The following DACH2 variants were observed in gnomAD, a reference collection of about 807,000 sequenced individuals.
DACH2 encodes dachshund family transcription factor 2.
In DACH2, 17 loss-of-function variants were observed where a neutral mutation model predicts 35.8. The ratio of observed to expected loss-of-function variants is 0.48; its 90% CI spans 0.33 to 0.71. DACH2 has a LOEUF of 0.71. Among genes scored for constraint, DACH2 ranks in the 30% least tolerant of loss-of-function variants. The pLI is 0.02. For synonymous variants in DACH2, 195 were observed against 177.3 expected, an observed-to-expected ratio of 1.10 and a Z score of -0.79; for missense variants, 469 against 472.7, an observed-to-expected ratio of 0.99 and a Z score of 0.07.
intron 1 of DACH2, among the ~76,000 whole-genome samples, chrX:86,199,314 G>T (rs2032081741): frequency 9.0e-6 from 1 of 111,456 alleles, no homozygotes; most frequent in South Asian, 3.8e-4. Flanking sequence ...ACATCACATT[G>T]AATGGGCAAA....
intron 2 of DACH2, among the ~76,000 whole-genome samples, chrX:86,439,792 G>A (rs2037130464): frequency 9.0e-6 from 1 of 110,517 alleles, no homozygotes; most frequent in African/African-American, 3.3e-5. Context: ...AGTTTTTTCT[G>A]CATCCCATAA....
At chrX:86,474,302 C>G (rs187525507) in intron 2 of DACH2, among the ~76,000 whole-genome samples, 2 of 111,322 alleles carry the variant, frequency 1.8e-5, no homozygotes, top group East Asian at 5.7e-4. Flanking sequence ...ATATTTTCTC[C>G]TATTTTGTGG....
At chrX:86,392,081 G>C (rs2036213202) in intron 2 of DACH2, among the ~76,000 whole-genome samples, 1 of 110,756 alleles carries the variant, frequency 9.0e-6, no homozygotes, top group African/African-American at 3.3e-5. Context: ...AAGAAAACAT[G>C]TTTTCTCCAA....
chrX:86,525,443 A>G (rs2038617852), intron 3 of DACH2, among the ~76,000 whole-genome samples: 1 of 111,675 alleles, frequency 9.0e-6, no homozygotes, highest in Admixed American at 9.6e-5. Flanking sequence ...GTTGATGATT[A>G]TTGTTATTAT....
intron 1 of DACH2, among the ~76,000 whole-genome samples, chrX:86,254,781 A>AATATATATAT (rs1200745075): frequency 2.3e-3 from 51 of 22,570 alleles, no homozygotes; most frequent in Non-Finnish European, 3.0e-3. Context: ...CAAATAAATA[A>AATATATATAT]ATATATATAT....
intron 2 of DACH2, among the ~76,000 whole-genome samples, chrX:86,387,351 T>C (rs184731638): frequency 1.1e-3 from 123 of 111,880 alleles, no homozygotes; most frequent in African/African-American, 3.9e-3. Flanking sequence ...TAGAAGATTT[T>C]CCAGTCTTTT....
At chrX:86,486,291 T>C (rs1169972123) in intron 2 of DACH2, among the ~76,000 whole-genome samples, 3 of 111,675 alleles carry the variant, frequency 2.7e-5, no homozygotes, top group Non-Finnish European at 5.7e-5. Flanking sequence ...CTCCTTCCTC[T>C]GAACTAGCTC....
chrX:86,827,864 T>C, intron 11 of DACH2: 2 of 990,861 alleles, frequency 2.0e-6, no homozygotes, highest in South Asian at 4.2e-5. Context: ...TTAGAATTCA[T>C]ACTCAAATCC....
intron 1 of DACH2, among the ~76,000 whole-genome samples, chrX:86,343,475 G>C (rs1248208016): frequency 4.5e-5 from 5 of 111,498 alleles, no homozygotes; most frequent in African/African-American, 1.6e-4. Context: ...TAGAGTTTGA[G>C]AAATTACATG....
chrX:86,301,303 G>T (rs1201795863), intron 1 of DACH2, among the ~76,000 whole-genome samples: 1 of 111,850 alleles, frequency 8.9e-6, no homozygotes, highest in African/African-American at 3.2e-5. Context: ...TAATGTAGCA[G>T]AATTTTCTTT....
At chrX:86,413,471 G>A (rs1053811818) in intron 2 of DACH2, among the ~76,000 whole-genome samples, 3 of 111,487 alleles carry the variant, frequency 2.7e-5, no homozygotes, top group African/African-American at 9.8e-5. Context: ...AGCTACAATT[G>A]GAGTCACATC....
At chrX:86,392,414 G>A (rs994265532) in intron 2 of DACH2, among the ~76,000 whole-genome samples, 1 of 111,884 alleles carries the variant, frequency 8.9e-6, no homozygotes, top group Non-Finnish European at 1.9e-5. Flanking sequence ...GGGTGATATT[G>A]TATGATATAT....
intron 1 of DACH2, among the ~76,000 whole-genome samples, chrX:86,283,375 C>T (rs1022496134): frequency 1.8e-5 from 2 of 111,214 alleles, no homozygotes; most frequent in Non-Finnish European, 3.8e-5. Context: ...AATCCCATTA[C>T]TGGGTATATA....
intron 1 of DACH2, among the ~76,000 whole-genome samples, chrX:86,297,901 C>CA (rs1372230689): frequency 1.8e-5 from 2 of 111,609 alleles, no homozygotes; most frequent in African/African-American, 6.5e-5. Context: ...CAGGCATAAA[C>CA]AAGGAAGCAG....
At chrX:86,579,647 A>G (rs1009447458) in intron 3 of DACH2, among the ~76,000 whole-genome samples, 1 of 111,927 alleles carries the variant, frequency 8.9e-6, no homozygotes, top group Non-Finnish European at 1.9e-5. Flanking sequence ...CACAGAACAA[A>G]TGTTATTAAT....
chrX:86,305,208 T>G (rs1174264466), intron 1 of DACH2: 1 of 115,067 alleles, frequency 8.7e-6, no homozygotes, highest in African/African-American at 3.3e-5. Flanking sequence ...AAGGAGAATT[T>G]GTAGTGAGGC....
At chrX:86,474,155 T>C (rs1467999156) in intron 2 of DACH2, among the ~76,000 whole-genome samples, 1 of 112,293 alleles carries the variant, frequency 8.9e-6, no homozygotes, top group African/African-American at 3.2e-5. Flanking sequence ...TTGCCATTTG[T>C]ATATCTGCTT....
chrX:86,479,909 A>C (rs1275484523), intron 2 of DACH2, among the ~76,000 whole-genome samples: 1 of 112,663 alleles, frequency 8.9e-6, no homozygotes, highest in Non-Finnish European at 1.9e-5. Context: ...GAGTTTCCTC[A>C]AAACAACTAT....
intron 1 of DACH2, among the ~76,000 whole-genome samples, chrX:86,164,764 G>C (rs2030884196): frequency 9.0e-6 from 1 of 110,592 alleles, no homozygotes; most frequent in South Asian, 3.9e-4. Context: ...CCTTATTTTT[G>C]GGTTCTGTAT....
Sources: gnomAD v4.1 joint callset for allele counts (sites outside exome capture counted in the v4.1 genomes callset) on GRCh38, gnomAD v4.1.1 for gene constraint, MANE v1.5 for transcripts, NCBI Gene and HGNC (gene_info 2026-07-23, HGNC 2026-07-21) for gene names.